Variants in RGSL1 observed in about 807,000 individuals in gnomAD.
RGSL1 encodes regulator of G protein signaling like 1.
RGSL1 carries 97 observed loss-of-function variants against 124.7 expected under a neutral mutation model. The ratio of observed to expected loss-of-function variants is 0.78; its 90% CI spans 0.66 to 0.92. The LOEUF is 0.92. Ranked by LOEUF, RGSL1 falls within the 40% of genes least tolerant of loss-of-function variation. The probability of loss-of-function intolerance (pLI) is 0.00; values close to 1 mark genes in which losing one functional copy is unlikely to be tolerated. For missense variants in RGSL1, 1,233 were observed against 1,288.4 expected, an observed-to-expected ratio of 0.96 and a Z score of 0.66; for synonymous variants, 424 against 438.1, an observed-to-expected ratio of 0.97 and a Z score of 0.40.
chr1:182,478,618 T>C (rs1558273154), intron 6 of RGSL1, among the ~76,000 whole-genome samples: 2 of 152,062 alleles, frequency 1.3e-5, no homozygotes, highest in Non-Finnish European at 2.9e-5. Context: ...AGTGAACCAA[T>C]ATACACATAG....
At chr1:182,538,344 A>G (rs1659676754) in intron 14 of RGSL1, among the ~76,000 whole-genome samples, 1 of 152,064 alleles carries the variant, frequency 6.6e-6, no homozygotes, top group Non-Finnish European at 1.5e-5. Flanking sequence ...CCTGACCAAT[A>G]TGGTGACACT....
intron 8 of RGSL1, among the ~76,000 whole-genome samples, chr1:182,490,451 C>G (rs1420849940): frequency 2.0e-5 from 3 of 152,144 alleles, no homozygotes; most frequent in Admixed American, 2.0e-4. Flanking sequence ...TTAATATGCA[C>G]TCTGTATACA....
chr1:182,457,372 G>A (rs1222856052), intron 2 of RGSL1, among the ~76,000 whole-genome samples: 1 of 152,096 alleles, frequency 6.6e-6, no homozygotes, highest in Non-Finnish European at 1.5e-5. Flanking sequence ...CTTAAAGGTA[G>A]CTTAACACCC....
intron 15 of RGSL1, among the ~76,000 whole-genome samples, chr1:182,540,939 C>T (rs1659853805): frequency 6.6e-6 from 1 of 152,010 alleles, no homozygotes; most frequent in Admixed American, 6.6e-5. Context: ...ATAGACTATA[C>T]CCCAAAAGCT....
intron 12 of RGSL1, 27 bp downstream of exon 12, chr1:182,530,388 T>G (rs1558392128): frequency 6.6e-7 from 1 of 1,520,020 alleles, no homozygotes; most frequent in East Asian, 2.5e-5. Flanking sequence ...AAGGAAAGGA[T>G]TCTTCCTGGA....
At chr1:182,506,879 T>C (rs912833353) in intron 9 of RGSL1, among the ~76,000 whole-genome samples, 2 of 152,194 alleles carry the variant, frequency 1.3e-5, no homozygotes, top group African/African-American at 4.8e-5. Flanking sequence ...TAAATATTTG[T>C]TTTTCCTTGC....
intron 9 of RGSL1, among the ~76,000 whole-genome samples, chr1:182,518,800 C>T (rs1658099945): frequency 6.6e-6 from 1 of 151,820 alleles, no homozygotes; most frequent in Non-Finnish European, 1.5e-5. Flanking sequence ...TCTCTGGGAA[C>T]TGTCTCATAT....
rs150561800 is a variant in RGSL1, at chr1:182,477,975, C to A, written c.1431+3433C>A. 2.8e-3 allele frequency among the ~76,000 whole-genome samples: 424 copies of A among 152,262 alleles called. 5 individuals carry two copies. Among genetic ancestry groups the A allele is most frequent in the African/African-American group, 9.6e-3 (400 of 41,540 alleles). On this transcript the variant is annotated intron_variant, in intron 6 of 21. Coordinates refer to ENST00000294854, the MANE Select transcript of RGSL1 (RefSeq NM_001137669.2). ...AAATTAATAACATTTCACTATCTGA[C>A]CCTAAAGAAATGGAGATCCATAAAC...
intron 18 of RGSL1, among the ~76,000 whole-genome samples, chr1:182,553,067 G>A (rs1420713390): frequency 6.6e-6 from 1 of 151,012 alleles, no homozygotes; most frequent in Non-Finnish European, 1.5e-5. Flanking sequence ...ACCATGCCCA[G>A]CTAATTTTAT....
At chr1:182,537,569 C>G (rs890617319) in intron 14 of RGSL1, among the ~76,000 whole-genome samples, 1 of 152,190 alleles carries the variant, frequency 6.6e-6, no homozygotes, top group African/African-American at 2.4e-5. Context: ...TTCTGGGATA[C>G]AGTTAAGTTA....
Position 182,454,055 on chromosome 1 carries a change from A to G in RGSL1, c.96+15A>G. 7.0e-7 allele frequency: 1 copy of G among 1,422,190 alleles called. No homozygotes were observed. Among genetic ancestry groups the G allele is most frequent in the Non-Finnish European group, 9.7e-7 (1 of 1,029,202 alleles). 88.1% of individuals were successfully genotyped at this position (1,422,190 alleles called of 1,614,324 possible). A position where few individuals can be genotyped will look rare whatever the true frequency, so the allele number is the denominator to read the frequency against. On this transcript the variant is annotated intron_variant, in intron 2 of 21. Transcript: ENST00000294854. ...TTTCCCTCCCGGTAAGCATTCTCAG[A>G]TTTAAATACAAATATTTCATCAGCA...
At chr1:182,490,622 T>C (rs559523000) in intron 8 of RGSL1, among the ~76,000 whole-genome samples, 1 of 152,164 alleles carries the variant, frequency 6.6e-6, no homozygotes, top group Non-Finnish European at 1.5e-5. Flanking sequence ...CCAAAGTAGA[T>C]GAAAAGATGG....
At chr1:182,552,844 C>T (rs1660651516) in intron 18 of RGSL1, among the ~76,000 whole-genome samples, 1 of 152,164 alleles carries the variant, frequency 6.6e-6, no homozygotes, top group Admixed American at 6.5e-5. Flanking sequence ...AACAAACCCA[C>T]TCCCATGATA....
chr1:182,478,170 A>T (rs1339195675), intron 6 of RGSL1, among the ~76,000 whole-genome samples: 1 of 151,992 alleles, frequency 6.6e-6, no homozygotes, highest in Non-Finnish European at 1.5e-5. Flanking sequence ...GTAGCCTCCA[A>T]CTCCTGGCCC....
chr1:182,522,329 T>C (rs1400341066), intron 10 of RGSL1, among the ~76,000 whole-genome samples: 1 of 152,208 alleles, frequency 6.6e-6, no homozygotes, highest in East Asian at 1.9e-4. Context: ...CTTTTCAAAC[T>C]TAAACTATCA....
intron 4 of RGSL1, among the ~76,000 whole-genome samples, chr1:182,463,283 G>T (rs1418130424): frequency 7.8e-6 from 1 of 128,324 alleles, no homozygotes; most frequent in Non-Finnish European, 1.6e-5. Flanking sequence ...GACAGAGCAA[G>T]ACTCCATCTC....
intron 20 of RGSL1, chr1:182,555,414 G>C (rs1482552403): frequency 6.5e-6 from 1 of 154,262 alleles, no homozygotes; most frequent in Admixed American, 6.4e-5. Context: ...AATATTCCAG[G>C]CTGCTCAGGG....
At chr1:182,500,386 T>C (rs553115252) in intron 9 of RGSL1, among the ~76,000 whole-genome samples, 31 of 152,354 alleles carry the variant, frequency 2.0e-4, no homozygotes, top group African/African-American at 6.3e-4. Flanking sequence ...TTTATTTTTA[T>C]ACTAGTGCCA....
At chr1:182,486,575 T>C (rs755934034) in intron 6 of RGSL1, among the ~76,000 whole-genome samples, 2 of 152,138 alleles carry the variant, frequency 1.3e-5, no homozygotes, top group Non-Finnish European at 2.9e-5. Flanking sequence ...CTCAAACTCC[T>C]TGTCTCAAGT....
Sources: gnomAD v4.1 joint callset for allele counts (sites outside exome capture counted in the v4.1 genomes callset) on GRCh38, gnomAD v4.1.1 for gene constraint, MANE v1.5 for transcripts, NCBI Gene and HGNC (gene_info 2026-07-23, HGNC 2026-07-21) for gene names.